Variants in RASEF observed in about 807,000 individuals in gnomAD.
The protein encoded by RASEF is RAS and EF-hand domain containing, also known as ras and EF-hand domain-containing protein.
A neutral mutation model predicts 90.1 loss-of-function variants in RASEF; 68 were observed. The observed-to-expected ratio is 0.75, with a 90% CI of 0.62 to 0.92. The LOEUF is 0.92. RASEF is among the 40% of genes least tolerant of loss of function. The pLI is 0.00. For synonymous variants in RASEF, 331 were observed against 345.2 expected (o/e 0.96, Z 0.46); for missense variants, 949 against 937.2 (o/e 1.01, Z -0.16).
intron 7 of RASEF, among the ~76,000 whole-genome samples, chr9:83,006,963 G>A (rs1829144347): frequency 6.6e-6 from 1 of 151,866 alleles, no homozygotes; most frequent in South Asian, 2.1e-4. Flanking sequence ...GCCTGGTGGC[G>A]GGTGCCTGTA....
chr9:83,068,862 G>A, the RASEF span, among the ~76,000 whole-genome samples: 2 of 152,218 alleles, frequency 1.3e-5, no homozygotes, highest in Non-Finnish European at 2.9e-5. Flanking sequence ...CTGACAAAAG[G>A]CTGGTTGCAG....
In RASEF at chr9:82,998,514, T is replaced by A. The variant is rs1282527198; in HGVS notation, c.1724-68A>T. ...CCATTGGCTTTTTACTTTCAAGCCT[T>A]CTTTAGATGAAGCAAAAGCCAATAA... On this transcript the variant is annotated intron_variant, in intron 12 of 16. Transcript: ENST00000376447. 3.9e-6 allele frequency: 4 copies of A among 1,026,250 alleles called. No homozygotes were observed. The African/African-American group carries it at 6.3e-5, about 16-fold the overall frequency. The allele number at this position is 1,026,250 out of a possible 1,614,324, so 63.6% of individuals were successfully genotyped here.
chr9:83,111,963 C>T, the RASEF span, among the ~76,000 whole-genome samples: 933 of 151,752 alleles, frequency 6.1e-3, 9 homozygotes, highest in African/African-American at 0.021. Context: ...TTAAATAAAA[C>T]AGATATTTAA....
At chr9:83,126,495 T>A in the RASEF span, among the ~76,000 whole-genome samples, 1 of 152,188 alleles carries the variant, frequency 6.6e-6, no homozygotes, top group Non-Finnish European at 1.5e-5. Context: ...GAAATCTACC[T>A]TACAGGTTTT....
chr9:83,185,405 T>A, the RASEF span, among the ~76,000 whole-genome samples: 1 of 151,516 alleles, frequency 6.6e-6, no homozygotes, highest in Non-Finnish European at 1.5e-5. Context: ...CAGGCTGGTC[T>A]CAAACTCCTG....
chr9:83,035,296 T>C (rs1030816161), intron 1 of RASEF, among the ~76,000 whole-genome samples: 5 of 152,206 alleles, frequency 3.3e-5, no homozygotes, highest in African/African-American at 1.2e-4. Context: ...CATAAATGAA[T>C]AAGTTTGGCT....
chr9:83,078,432 C>G, the RASEF span, among the ~76,000 whole-genome samples: 1 of 152,038 alleles, frequency 6.6e-6, no homozygotes, highest in Admixed American at 6.6e-5. Context: ...TTTGGGAGGC[C>G]GAGGCGGGTG....
At chr9:82,983,398 A>G (rs577274596) in intron 16 of RASEF, among the ~76,000 whole-genome samples, 1 of 152,324 alleles carries the variant, frequency 6.6e-6, no homozygotes, top group African/African-American at 2.4e-5. Flanking sequence ...GCTAGAGGCA[A>G]GACTCACGAA....
chr9:83,005,211 A>G (rs1374683874), intron 8 of RASEF, among the ~76,000 whole-genome samples: 1 of 152,218 alleles, frequency 6.6e-6, no homozygotes, highest in Non-Finnish European at 1.5e-5. Context: ...AGAGTTGGTT[A>G]ACATTGAGAC....
chr9:83,170,870 A>C, the RASEF span, among the ~76,000 whole-genome samples: 2 of 151,896 alleles, frequency 1.3e-5, no homozygotes, highest in African/African-American at 4.8e-5. Context: ...ACCTGCAAAC[A>C]ATAATAATTT....
At chr9:83,071,615 A>G in the RASEF span, among the ~76,000 whole-genome samples, 1 of 152,122 alleles carries the variant, frequency 6.6e-6, no homozygotes. Context: ...ATCATTGCCC[A>G]GGCTGGTTTT....
At chr9:83,055,825 G>A in intron 1 of RASEF, 3 of 594,856 alleles carry the variant, frequency 5.0e-6, no homozygotes, top group East Asian at 2.9e-5. Flanking sequence ...GGACCCCGAA[G>A]GGTCTATGGC....
At chr9:83,198,047 A>G in the RASEF span, among the ~76,000 whole-genome samples, 2 of 152,210 alleles carry the variant, frequency 1.3e-5, no homozygotes, top group African/African-American at 4.8e-5. Context: ...ACAAAATCTC[A>G]TCACTCTGGT....
chr9:83,024,509 C>A (rs73469415), intron 2 of RASEF, among the ~76,000 whole-genome samples: 4,510 of 152,136 alleles, frequency 0.03, 206 homozygotes, highest in African/African-American at 0.1. Context: ...TCTGCCTGTC[C>A]CATCTCAAAG....
In RASEF at chr9:83,048,220, G is replaced by A. The variant is rs190453767; in HGVS notation, c.431+14217C>T. 60 of 985,288 alleles carry A rather than the reference G, an allele frequency of 6.1e-5. No individual in the cohort carries two copies. The East Asian group carries it at 3.6e-3, about 60-fold the overall frequency. 61.0% of individuals were successfully genotyped at this position (985,288 alleles called of 1,614,324 possible). ...GCTTGGAGGTCATCTGACAGGGACCGGCAGTCCTATTGATGCTGGACTACA... is the reference window on the plus strand; with the variant it reads ...GCTTGGAGGTCATCTGACAGGGACCAGCAGTCCTATTGATGCTGGACTACA... On this transcript the variant is annotated intron_variant, in intron 1 of 16. Coordinates refer to ENST00000376447, the MANE Select transcript of RASEF (RefSeq NM_152573.4).
At chr9:83,180,737 G>C in the RASEF span, among the ~76,000 whole-genome samples, 1 of 152,034 alleles carries the variant, frequency 6.6e-6, no homozygotes, top group Non-Finnish European at 1.5e-5. Context: ...CCACACCTGG[G>C]TCATGTATCC....
the RASEF span, among the ~76,000 whole-genome samples, chr9:83,105,786 G>A: frequency 1.3e-5 from 2 of 152,160 alleles, no homozygotes; most frequent in Non-Finnish European, 2.9e-5. Flanking sequence ...AGACATAAAA[G>A]CTGAAAATAA....
At chr9:83,153,416 T>C in the RASEF span, among the ~76,000 whole-genome samples, 1 of 152,222 alleles carries the variant, frequency 6.6e-6, no homozygotes, top group Non-Finnish European at 1.5e-5. Context: ...GAGCCCACCA[T>C]TTATATTGCC....
At chr9:83,111,179 A>G in the RASEF span, among the ~76,000 whole-genome samples, 78 of 151,852 alleles carry the variant, frequency 5.1e-4, no homozygotes, top group South Asian at 2.1e-4. Flanking sequence ...CAGTGTAATA[A>G]CATTTAAAAC....
Sources: allele counts gnomAD v4.1 joint callset (sites outside exome capture counted in the v4.1 genomes callset), GRCh38; gene constraint gnomAD v4.1.1; transcripts MANE v1.5; gene names NCBI Gene and HGNC (gene_info 2026-07-23, HGNC 2026-07-21).